ANKS1B: variants seen among roughly 807,000 people sequenced by gnomAD.
ANKS1B encodes the protein ankyrin repeat and sterile alpha motif domain containing 1B.
Under a neutral mutation model 148.3 loss-of-function variants are expected in ANKS1B, and 36 were observed. The ratio of observed to expected loss-of-function variants is 0.24; its 90% CI spans 0.19 to 0.32. The LOEUF is 0.32. Ranked by LOEUF, ANKS1B falls within the 10% of genes least tolerant of loss-of-function variation. ANKS1B has a pLI of 1.00. For missense variants in ANKS1B, 1,157 were observed against 1,542.6 expected (o/e 0.75, Z 4.19); for synonymous variants, 542 against 560.8 (o/e 0.97, Z 0.47).
At chr12:99,939,381 T>C (rs528718327) in intron 1 of ANKS1B, among the ~76,000 whole-genome samples, 6 of 152,208 alleles carry the variant, frequency 3.9e-5, no homozygotes, top group East Asian at 1.9e-4. Context: ...TGAGCCACCA[T>C]GCCCAGCTAA....
At chr12:99,601,198 T>C (rs1471854985) in intron 9 of ANKS1B, among the ~76,000 whole-genome samples, 1 of 152,072 alleles carries the variant, frequency 6.6e-6, no homozygotes, top group Non-Finnish European at 1.5e-5. Flanking sequence ...TAGGTCTCAA[T>C]AGATGAGGAT....
chr12:99,705,888 G>T (rs11110010), intron 8 of ANKS1B, among the ~76,000 whole-genome samples: 32,624 of 151,954 alleles, frequency 0.21, 3,676 homozygotes, highest in Middle Eastern at 0.25. Context: ...GATGAATCTG[G>T]AATTGTGTTG....
At chr12:99,924,402 C>T (rs147067526) in intron 1 of ANKS1B, among the ~76,000 whole-genome samples, 1 of 152,164 alleles carries the variant, frequency 6.6e-6, no homozygotes, top group Non-Finnish European at 1.5e-5. Flanking sequence ...TTAAAACTTA[C>T]ACTAATATTT....
chr12:99,386,683 T>C lies in ANKS1B; in HGVS notation c.1756+12948A>G, dbSNP rs541404750. Among the ~76,000 whole-genome samples, 11 of 152,348 alleles carry C rather than the reference T, an allele frequency of 7.2e-5. No homozygotes were observed. The South Asian group carries it at 1.9e-3, about 26-fold the overall frequency. On this transcript the variant is annotated intron_variant, in intron 12 of 26. Transcript: ENST00000683438. Reference sequence around the variant, plus strand: ...AATGATTTTGGAAATGCTGGGCCAATTACTTTATAAATGTCTAAGAAAAAT... The same window carrying C: ...AATGATTTTGGAAATGCTGGGCCAACTACTTTATAAATGTCTAAGAAAAAT...
intron 10 of ANKS1B, among the ~76,000 whole-genome samples, chr12:99,471,059 C>T (rs1358763163): frequency 6.6e-6 from 1 of 151,980 alleles, no homozygotes; most frequent in Non-Finnish European, 1.5e-5. Flanking sequence ...ATTTCATATG[C>T]GTTCATAAAT....
At chr12:99,715,165 C>T (rs1418189977) in intron 8 of ANKS1B, among the ~76,000 whole-genome samples, 1 of 151,966 alleles carries the variant, frequency 6.6e-6, no homozygotes, top group East Asian at 1.9e-4. Flanking sequence ...TAAAAAGCTA[C>T]AAATGATTAA....
chr12:98,736,940 T>C (rs1455649364), intron 9 of ANKS1B, among the ~76,000 whole-genome samples: 1 of 152,182 alleles, frequency 6.6e-6, no homozygotes, highest in South Asian at 2.1e-4. Context: ...ATTTGAGTTG[T>C]TGAGAGATCA....
intron 8 of ANKS1B, among the ~76,000 whole-genome samples, chr12:99,703,064 CA>C (rs1389695627): frequency 2.0e-5 from 3 of 152,042 alleles, no homozygotes; most frequent in Non-Finnish European, 2.9e-5. Context: ...TGTTTCTCCA[CA>C]AGGCAAGAAA....
intron 10 of ANKS1B, among the ~76,000 whole-genome samples, chr12:99,459,276 T>G (rs1313142931): frequency 6.6e-6 from 1 of 152,022 alleles, no homozygotes; most frequent in African/African-American, 2.4e-5. Flanking sequence ...AATAAAAGCA[T>G]CTATGACAAA....
intron 1 of ANKS1B, among the ~76,000 whole-genome samples, chr12:99,895,747 T>G (rs2093359596): frequency 6.6e-6 from 1 of 151,022 alleles, no homozygotes; most frequent in Non-Finnish European, 1.5e-5. Flanking sequence ...GCCAAAACCC[T>G]TACTCAGAGT....
intron 17 of ANKS1B, among the ~76,000 whole-genome samples, chr12:99,021,113 G>A (rs1253173908): frequency 6.6e-6 from 1 of 152,008 alleles, no homozygotes; most frequent in East Asian, 1.9e-4. Flanking sequence ...AAAACTGAAG[G>A]TAAGAAACGG....
At chr12:99,816,312 C>G (rs1234321569) in intron 2 of ANKS1B, among the ~76,000 whole-genome samples, 1 of 151,698 alleles carries the variant, frequency 6.6e-6, no homozygotes, top group East Asian at 1.9e-4. Flanking sequence ...CTATTCATCC[C>G]CTTTGCCTAC....
At chr12:99,178,823 A>G (rs996346350) in intron 14 of ANKS1B, among the ~76,000 whole-genome samples, 4 of 152,228 alleles carry the variant, frequency 2.6e-5, no homozygotes, top group Non-Finnish European at 5.9e-5. Context: ...TAAATAAAAT[A>G]GTAAGAACAA....
chr12:99,524,887 C>T (rs12299392), intron 9 of ANKS1B, among the ~76,000 whole-genome samples: 2,357 of 152,238 alleles, frequency 0.015, 69 homozygotes, highest in African/African-American at 0.053. Flanking sequence ...ATAGGAATCA[C>T]GGGAATTCTG....
chr12:98,951,232 T>C (rs1265110606), intron 17 of ANKS1B, among the ~76,000 whole-genome samples: 5 of 152,198 alleles, frequency 3.3e-5, no homozygotes, highest in African/African-American at 1.2e-4. Context: ...AGTACATTTG[T>C]CTTTGACTTT....
intron 15 of ANKS1B, among the ~76,000 whole-genome samples, chr12:99,086,340 T>C (rs2051785383): frequency 6.6e-6 from 1 of 152,116 alleles, no homozygotes; most frequent in African/African-American, 2.4e-5. Flanking sequence ...AGAAGGAATG[T>C]AGTATACTTG....
chr12:99,838,511 AC>A (rs1343010705), intron 1 of ANKS1B, among the ~76,000 whole-genome samples: 1 of 151,976 alleles, frequency 6.6e-6, no homozygotes, highest in Non-Finnish European at 1.5e-5. Context: ...CATCATTCTT[AC>A]TGATTTGAAG....
intron 6 of ANKS1B, among the ~76,000 whole-genome samples, chr12:99,778,842 T>A (rs182946468): frequency 2.6e-5 from 4 of 152,326 alleles, no homozygotes; most frequent in African/African-American, 9.6e-5. Context: ...CTTTGTTGAC[T>A]ATTGTATCTA....
rs533299904 is a variant in ANKS1B at position 98,828,521 on chromosome 12, C to T, written c.3066+653G>A. ...CAGGGTGAAATGCGGAGCTACCCGC[C>T]CATCTGAATGTACATTAAGAACAGC... is the stretch of plus-strand genomic sequence containing the variant. On this transcript the variant is annotated intron_variant, in intron 19 of 26. Transcript: ENST00000683438. Among the ~76,000 whole-genome samples the T allele has an allele frequency of 1.2e-4, 18 of 152,280 alleles. No homozygotes were observed. The South Asian group carries it at 3.7e-3, about 32-fold the overall frequency.
Sources: gnomAD v4.1 joint callset for allele counts (sites outside exome capture counted in the v4.1 genomes callset) on GRCh38, gnomAD v4.1.1 for gene constraint, MANE v1.5 for transcripts, NCBI Gene and HGNC (gene_info 2026-07-23, HGNC 2026-07-21) for gene names.